Variants in MAP3K3 observed in about 807,000 individuals in gnomAD.
MAP3K3 encodes MAP/ERK kinase kinase 3.
In MAP3K3, 12 loss-of-function variants were observed where a neutral mutation model predicts 80.9. The observed-to-expected ratio is 0.15, with a 90% CI of 0.10 to 0.24. The LOEUF is 0.24. Ranked by LOEUF, MAP3K3 falls within the 10% of genes least tolerant of loss-of-function variation. The pLI is 1.00. For missense variants in MAP3K3, 596 were observed against 834.7 expected (o/e 0.71, Z 3.52); for synonymous variants, 272 against 307.1 (o/e 0.89, Z 1.19).
Position 63,689,454 on chromosome 17 carries a change from G to A in MAP3K3, c.872-90G>A, listed in dbSNP as rs1362327709. On this transcript the variant is annotated intron_variant, in intron 10 of 15. Transcript: ENST00000361733. This position sits in a 1 kb window ranked among gnomAD's most constrained non-coding sequence, Gnocchi z 4.3. ...AGACCTGGTTTGTATATTCCGCCTT[G>A]TAGCCCGGGGTGTCTCAGACCTGGT... 8.6e-7 allele frequency: 1 copy of A among 1,159,678 alleles called. No individual in the cohort carries two copies. Among genetic ancestry groups the A allele is most frequent in the African/African-American group, 1.5e-5 (1 of 65,380 alleles). The allele number at this position is 1,159,678 out of a possible 1,614,324, so 71.8% of individuals were successfully genotyped here. A position where few individuals can be genotyped will look rare whatever the true frequency, so the allele number is the denominator to read the frequency against.
At chr17:63,631,554 T>A (rs1195838194) in intron 1 of MAP3K3, among the ~76,000 whole-genome samples, 1 of 152,128 alleles carries the variant, frequency 6.6e-6, no homozygotes, top group African/African-American at 2.4e-5. Flanking sequence ...ATCAACAGAT[T>A]TATTCATTTT....
At chr17:63,677,557 A>G (rs571376814) in intron 6 of MAP3K3, among the ~76,000 whole-genome samples, 5 of 152,346 alleles carry the variant, frequency 3.3e-5, no homozygotes, top group Non-Finnish European at 7.3e-5. Context: ...GGTCTGGGTC[A>G]CTGGAAAGTG....
chr17:63,656,532 G>A (rs1040609570), intron 4 of MAP3K3, among the ~76,000 whole-genome samples: 1 of 151,712 alleles, frequency 6.6e-6, no homozygotes, highest in African/African-American at 2.4e-5. Flanking sequence ...TTGAACCCAG[G>A]AGGTGGACAT....
rs1417413481 is a variant in MAP3K3 at position 63,664,066 on chromosome 17, C to A, written c.382-2874C>A. Among the ~76,000 whole-genome samples, 5 of 151,618 alleles carry A rather than the reference C, an allele frequency of 3.3e-5. No individual in the cohort carries two copies. In the East Asian group the frequency reaches 9.7e-4, roughly 29 times the overall value. On this transcript the variant is annotated intron_variant, in intron 5 of 15. Transcript: ENST00000361733. ...GACCATCCTGGCTAACACGGTGAAA[C>A]CCCATCTCTACTAAAAATACAAAAA... is the stretch of plus-strand genomic sequence containing the variant.
intron 4 of MAP3K3, among the ~76,000 whole-genome samples, chr17:63,654,905 G>A (rs985162933): frequency 9.2e-5 from 14 of 152,002 alleles, no homozygotes; most frequent in Non-Finnish European, 1.9e-4. Flanking sequence ...GCATGGTGGT[G>A]CACACCTGTA....
Position 63,657,836 on chromosome 17 carries a change from A to G in MAP3K3, c.310A>G (p.Ile104Val). The G allele has an allele frequency of 2.5e-6, 4 of 1,608,736 alleles. No individual in the cohort carries two copies. The highest frequency in any genetic ancestry group is 1.3e-5 in the African/African-American group (1 of 74,908). The change falls in exon 5 of 16, where the codon ATT becomes GTT. Residue 104 changes from isoleucine to valine, a missense_variant. Physicochemically the swap from Ile to Val is conservative, Grantham distance 29. Coordinates refer to ENST00000361733, the MANE Select transcript of MAP3K3 (RefSeq NM_002401.5). ...AAACCAAGATGATCTTGATAAAGCAATTGACATTTTAGATAGAAGCTCAAG... is the reference window on the plus strand; with the variant it reads ...AAACCAAGATGATCTTGATAAAGCAGTTGACATTTTAGATAGAAGCTCAAG... ...LKNQDDLDKA[I>V]DILDRSSSMK...
At chr17:63,623,439 C>T (rs1489662068) in intron 1 of MAP3K3, among the ~76,000 whole-genome samples, 2 of 152,216 alleles carry the variant, frequency 1.3e-5, no homozygotes, top group African/African-American at 4.8e-5. Context: ...TTGAAAAATC[C>T]CGTTGCAGGG....
chr17:63,690,512 TC>T, intron 12 of MAP3K3, 100 bp downstream of exon 12: 1 of 1,305,908 alleles, frequency 7.7e-7, no homozygotes, highest in Non-Finnish European at 1.1e-6. Flanking sequence ...GGTTGCTTCC[TC>T]TGTCATTCTT....
rs1399464110 is a variant in MAP3K3 at position 63,695,261 on chromosome 17, T to C, written c.*1484T>C. 6.5e-6 allele frequency: 1 copy of C among 152,694 alleles called. No homozygotes were observed. Among genetic ancestry groups the C allele is most frequent in the African/African-American group, 2.4e-5 (1 of 41,468 alleles). The allele number at this position is 152,694 out of a possible 1,614,324, so 9.5% of individuals were successfully genotyped here. ...TATGAATGTAGTTTCTATCGCTGTT[T>C]TTAGCCTTTTCACATCATGTAATGT... On this transcript the variant is annotated 3_prime_UTR_variant, in exon 16 of 16. Transcript: ENST00000361733. The surrounding 1 kb of genome is among the most constrained non-coding windows in gnomAD (Gnocchi z 4.1).
At chr17:63,632,910 G>A in intron 2 of MAP3K3, 108 bp downstream of exon 2, 1 of 1,400,218 alleles carries the variant, frequency 7.1e-7, no homozygotes, top group Non-Finnish European at 9.8e-7. Context: ...GAATGCTTTT[G>A]ACCCCTTCCT....
At chr17:63,626,567 A>G (rs1178516664) in intron 1 of MAP3K3, among the ~76,000 whole-genome samples, 1 of 152,270 alleles carries the variant, frequency 6.6e-6, no homozygotes, top group Non-Finnish European at 1.5e-5. Flanking sequence ...TAGAACAGAA[A>G]AACGCCAGCA....
At position 63,691,144 on chromosome 17, in the gene MAP3K3, T is replaced by C. The variant is rs1568156299; in HGVS notation, c.1255T>C (p.Leu419=). The C allele has an allele frequency of 6.2e-7, 1 of 1,614,176 alleles. No homozygotes were observed. The highest frequency in any genetic ancestry group is 2.2e-5 in the East Asian group (1 of 44,882). ...LECEIQLLKN[L]QHERIVQYYG... is the part of the protein sequence containing the mutation. The stretch of plus-strand genomic sequence containing the variant: ...GTGCGAGATCCAGTTGCTAAAGAAC[T>C]TGCAGCATGAGCGCATCGTGCAGTA... The change falls in exon 13 of 16, where the codon TTG becomes CTG. Residue 419 remains leucine (L), a synonymous_variant. Transcript: ENST00000361733. The surrounding 1 kb of genome is among the most constrained non-coding windows in gnomAD (Gnocchi z 4.8).
chr17:63,625,892 T>G (rs2034090450), intron 1 of MAP3K3, among the ~76,000 whole-genome samples: 1 of 152,102 alleles, frequency 6.6e-6, no homozygotes, highest in Non-Finnish European at 1.5e-5. Context: ...GGCAACATGG[T>G]GAAACCCTGT....
intron 2 of MAP3K3, among the ~76,000 whole-genome samples, chr17:63,644,241 G>A (rs916856016): frequency 6.6e-6 from 1 of 152,064 alleles, no homozygotes; most frequent in African/African-American, 2.4e-5. Context: ...TTGAGACAGG[G>A]TCTCACTCTG....
intron 5 of MAP3K3, among the ~76,000 whole-genome samples, chr17:63,666,081 C>T (rs1361328259): frequency 6.6e-6 from 1 of 152,172 alleles, no homozygotes; most frequent in Non-Finnish European, 1.5e-5. Flanking sequence ...TTTAAGCTTT[C>T]TCAGTGCAAA....
At chr17:63,652,763 G>A (rs1273661283) in intron 4 of MAP3K3, 107 bp downstream of exon 4, 3 of 691,344 alleles carry the variant, frequency 4.3e-6, no homozygotes, top group South Asian at 1.9e-5. Context: ...TCATCTGCAG[G>A]TTTTCATTTT....
intron 1 of MAP3K3, 41 bp from the exon 2 acceptor site, chr17:63,632,640 G>C: frequency 6.2e-7 from 1 of 1,610,866 alleles, no homozygotes; most frequent in Non-Finnish European, 8.5e-7. Context: ...TTGCTGGTCT[G>C]TATTTAAGTG....
intron 1 of MAP3K3, among the ~76,000 whole-genome samples, chr17:63,624,233 A>G (rs2034054599): frequency 6.6e-6 from 1 of 152,218 alleles, no homozygotes; most frequent in African/African-American, 2.4e-5. Context: ...CCCAGGATTC[A>G]AACATTTATC....
At chr17:63,650,570 T>G (rs1274494956) in intron 3 of MAP3K3, among the ~76,000 whole-genome samples, 1 of 151,866 alleles carries the variant, frequency 6.6e-6, no homozygotes, top group African/African-American at 2.4e-5. Flanking sequence ...CCCAAAGCGC[T>G]GGGATTACAG....
Sources: gnomAD v4.1 joint callset for allele counts (sites outside exome capture counted in the v4.1 genomes callset) on GRCh38, gnomAD v4.1.1 for gene constraint, Gnocchi (gnomAD v3.1) non-coding constraint, MANE v1.5 for transcripts, NCBI Gene and HGNC (gene_info 2026-07-23, HGNC 2026-07-21) for gene names.